RAP1A: variants seen among roughly 807,000 people sequenced by gnomAD.
RAP1A encodes RAP1A, member of RAS oncogene family.
A neutral mutation model predicts 26.4 loss-of-function variants in RAP1A; 6 were observed. The ratio of observed to expected loss-of-function variants is 0.23; its 90% CI spans 0.12 to 0.45. RAP1A has a LOEUF of 0.45. Ranked by LOEUF, RAP1A falls within the 20% of genes least tolerant of loss-of-function variation. The pLI, the probability that RAP1A is intolerant of heterozygous loss-of-function variation, is 0.99. For synonymous variants in RAP1A, 73 were observed against 79.4 expected (o/e 0.92, Z 0.43); for missense variants, 121 against 217.2 (o/e 0.56, Z 2.78).
At chr1:111,686,970 G>C (rs1661504147) in intron 1 of RAP1A, among the ~76,000 whole-genome samples, 1 of 151,870 alleles carries the variant, frequency 6.6e-6, no homozygotes, top group Non-Finnish European at 1.5e-5. Flanking sequence ...GTTGCCAATA[G>C]ATGTTTTTTC....
At chr1:111,689,524 G>A (rs543074518) in intron 1 of RAP1A, among the ~76,000 whole-genome samples, 442 of 2,100 alleles carry the variant, frequency 0.21, no homozygotes, top group African/African-American at 0.37. Flanking sequence ...GTTCTTCTTG[G>A]TTCTTATTAT....
rs529758787 is a variant in RAP1A, at chr1:111,711,858, G to A, written c.*30-573G>A. ...AAGACATCTGAGAGAAATTCATCATGTGGATTATTTTACCTGATTCTTGTC... is the reference window on the plus strand; with the variant it reads ...AAGACATCTGAGAGAAATTCATCATATGGATTATTTTACCTGATTCTTGTC... On this transcript the variant is annotated intron_variant, in intron 7 of 7. Transcript: ENST00000369709. Among the ~76,000 whole-genome samples, 12 of 152,244 alleles carry A rather than the reference G, an allele frequency of 7.9e-5. No individual in the cohort carries two copies. In the East Asian group the frequency reaches 2.1e-3, roughly 27 times the overall value.
chr1:111,549,440 G>C (rs1657170040), intron 1 of RAP1A, among the ~76,000 whole-genome samples: 1 of 151,570 alleles, frequency 6.6e-6, no homozygotes, highest in Non-Finnish European at 1.5e-5. Flanking sequence ...CCTGAGGTCA[G>C]GAGTTCAAGA....
intron 1 of RAP1A, among the ~76,000 whole-genome samples, chr1:111,639,780 T>G (rs970476133): frequency 6.6e-6 from 1 of 151,996 alleles, no homozygotes; most frequent in African/African-American, 2.4e-5. Context: ...TCCCTTGGAG[T>G]TGAATTGTCA....
chr1:111,582,782 G>T (rs1415797), intron 1 of RAP1A, among the ~76,000 whole-genome samples: 1 of 152,124 alleles, frequency 6.6e-6, no homozygotes, highest in African/African-American at 2.4e-5. Context: ...TTCCTGTTTA[G>T]AGGGTGTGTA....
chr1:111,673,487 A>G (rs1000138301), intron 1 of RAP1A, among the ~76,000 whole-genome samples: 1 of 152,248 alleles, frequency 6.6e-6, no homozygotes, highest in African/African-American at 2.4e-5. Flanking sequence ...AAGACAATCA[A>G]GTCATATTAT....
At chr1:111,569,140 C>T (rs1334520873) in intron 1 of RAP1A, among the ~76,000 whole-genome samples, 8 of 152,016 alleles carry the variant, frequency 5.3e-5, no homozygotes, top group Non-Finnish European at 7.4e-5. Context: ...TGGTGGCTCA[C>T]GCCTGTAATC....
intron 1 of RAP1A, among the ~76,000 whole-genome samples, chr1:111,590,320 G>A (rs1291509921): frequency 6.6e-6 from 1 of 152,174 alleles, no homozygotes; most frequent in East Asian, 1.9e-4. Context: ...TAGAGGTAGT[G>A]ATGGTGGACA....
intron 1 of RAP1A, among the ~76,000 whole-genome samples, chr1:111,638,569 C>T (rs988682840): frequency 1.3e-5 from 2 of 152,200 alleles, no homozygotes; most frequent in Non-Finnish European, 2.9e-5. Flanking sequence ...GGACTACAGG[C>T]GCATGCCAAC....
rs1491054411 is a variant in RAP1A, at chr1:111,645,156, CAA to C, written c.-28+25223_-28+25224del. The stretch of plus-strand genomic sequence containing the variant: ...GCAATTTAAAGAATTATTTAGGAAA[CAA>C]TATGCAGAACTAGCTCGACTGTTGA... On this transcript the variant is annotated intron_variant, in intron 1 of 7. Coordinates refer to ENST00000369709, the MANE Select transcript of RAP1A (RefSeq NM_002884.4). Among the ~76,000 whole-genome samples, 4 of 152,118 alleles carry C rather than the reference CAA, an allele frequency of 2.6e-5. No individual in the cohort carries two copies. The East Asian group carries it at 5.8e-4, about 22-fold the overall frequency.
At chr1:111,669,151 C>G (rs909363446) in intron 1 of RAP1A, among the ~76,000 whole-genome samples, 3 of 151,250 alleles carry the variant, frequency 2.0e-5, no homozygotes, top group African/African-American at 7.3e-5. Context: ...AATAAGTTAA[C>G]CAAAATAAAG....
At chr1:111,592,529 T>G (rs1658489086) in intron 1 of RAP1A, among the ~76,000 whole-genome samples, 1 of 152,208 alleles carries the variant, frequency 6.6e-6, no homozygotes, top group South Asian at 2.1e-4. Context: ...TTGACAGTCC[T>G]GTAACTGCAC....
chr1:111,702,148 A>G (rs1411187183), intron 4 of RAP1A, among the ~76,000 whole-genome samples: 1 of 152,232 alleles, frequency 6.6e-6, no homozygotes, highest in Non-Finnish European at 1.5e-5. Context: ...CATGGGGAAC[A>G]AGGAAGCCAA....
chr1:111,597,188 A>G (rs529652993), intron 1 of RAP1A, among the ~76,000 whole-genome samples: 3 of 152,310 alleles, frequency 2.0e-5, no homozygotes, highest in Admixed American at 6.5e-5. Flanking sequence ...TGAGGAGTGA[A>G]GAGTTTCCTT....
At chr1:111,703,070 A>T (rs193215592) in intron 4 of RAP1A, among the ~76,000 whole-genome samples, 102 of 152,320 alleles carry the variant, frequency 6.7e-4, no homozygotes, top group African/African-American at 2.3e-3. Context: ...ATTATTTAGG[A>T]TCAAAAGATC....
At chr1:111,661,748 G>A (rs543535278) in intron 1 of RAP1A, among the ~76,000 whole-genome samples, 160 of 150,468 alleles carry the variant, frequency 1.1e-3, no homozygotes, top group African/African-American at 3.8e-3. Context: ...GCAGTGAGCC[G>A]AGATTGCGCC....
chr1:111,555,451 A>G (rs895183580), intron 1 of RAP1A, among the ~76,000 whole-genome samples: 1 of 151,714 alleles, frequency 6.6e-6, no homozygotes, highest in African/African-American at 2.4e-5. Context: ...TTAATGTAAT[A>G]ATTAAATTTG....
intron 1 of RAP1A, among the ~76,000 whole-genome samples, chr1:111,655,127 C>G (rs1571533355): frequency 6.6e-6 from 1 of 151,874 alleles, no homozygotes; most frequent in Non-Finnish European, 1.5e-5. Context: ...TTAAACTAGT[C>G]TTTTGCTTTA....
At chr1:111,687,366 C>T (rs982007009) in intron 1 of RAP1A, among the ~76,000 whole-genome samples, 3 of 152,012 alleles carry the variant, frequency 2.0e-5, no homozygotes, top group African/African-American at 7.2e-5. Flanking sequence ...TGCCACCATG[C>T]CCAGCTAATT....
Sources: allele counts gnomAD v4.1 joint callset (sites outside exome capture counted in the v4.1 genomes callset), GRCh38; gene constraint gnomAD v4.1.1; transcripts MANE v1.5; gene names NCBI Gene and HGNC (gene_info 2026-07-23, HGNC 2026-07-21).